The following ARFGAP1 variants were observed in gnomAD, a reference collection of about 807,000 sequenced individuals.
The protein encoded by ARFGAP1 is ARF GTPase activating protein 1, also known as ADP-ribosylation factor GTPase-activating protein 1.
In ARFGAP1, 26 loss-of-function variants were observed where a neutral mutation model predicts 54.0. That is an observed-to-expected ratio of 0.48 (90% CI 0.35 to 0.67). ARFGAP1 has a LOEUF of 0.67. Ranked by LOEUF, ARFGAP1 falls within the 30% of genes least tolerant of loss-of-function variation. ARFGAP1 has a pLI of 0.00. For synonymous variants in ARFGAP1, 248 were observed against 211.9 expected (o/e 1.17, Z -1.48); for missense variants, 525 against 535.8 (o/e 0.98, Z 0.20).
At chr20:63,282,602 G>A (rs768853676) in intron 8 of ARFGAP1, among the ~76,000 whole-genome samples, 2 of 152,206 alleles carry the variant, frequency 1.3e-5, no homozygotes, top group East Asian at 3.9e-4. Flanking sequence ...ATAGCACACC[G>A]AGCTGGCCTC....
At chr20:63,273,502 C>T (rs1568727300) in intron 1 of ARFGAP1, 1 of 152,216 alleles carries the variant, frequency 6.6e-6, no homozygotes, top group Admixed American at 6.5e-5. Context: ...TATATTTGTA[C>T]TTTTGAAGGT....
At chr20:63,278,292 C>A in intron 6 of ARFGAP1, 89 bp downstream of exon 6, 2 of 1,368,292 alleles carry the variant, frequency 1.5e-6, no homozygotes, top group South Asian at 1.2e-5. Context: ...TGGGGCCTCC[C>A]ATGTGCAGTG....
chr20:63,273,249 G>C (rs1052014484), intron 1 of ARFGAP1: 5 of 148,726 alleles, frequency 3.4e-5, no homozygotes, highest in African/African-American at 1.0e-4. Context: ...CGGGAGTCCA[G>C]AGGGTCCCTG....
intron 6 of ARFGAP1, 136 bp from the exon 7 acceptor site, chr20:63,278,763 A>G (rs923133513): frequency 4.8e-6 from 3 of 620,534 alleles, no homozygotes; most frequent in Middle Eastern, 2.8e-4. Flanking sequence ...CACAGGAGGC[A>G]GCGTGCATGT....
rs1298649350 is a variant in ARFGAP1 at position 63,288,687 on chromosome 20, A to G, written c.*814A>G. 4 of 363,788 alleles carry G rather than the reference A, an allele frequency of 1.1e-5. No homozygotes were observed. The highest frequency in any genetic ancestry group is 2.2e-5 in the Non-Finnish European group (4 of 182,014). 22.5% of individuals were successfully genotyped at this position (363,788 alleles called of 1,614,324 possible). A position where few individuals can be genotyped will look rare whatever the true frequency, so the allele number is the denominator to read the frequency against. On this transcript the variant is annotated 3_prime_UTR_variant, in exon 13 of 13. Coordinates refer to ENST00000370283, the MANE Select transcript of ARFGAP1 (RefSeq NM_018209.4). The stretch of plus-strand genomic sequence containing the variant: ...GAGGGGCCGGGTTCAGGAGCTGAGC[A>G]GGGGATGCCTGTGCGTGGTGCCTGG...
At chr20:63,279,444 G>C in intron 7 of ARFGAP1, 1 of 335,372 alleles carries the variant, frequency 3.0e-6, no homozygotes, top group South Asian at 2.3e-5. Context: ...GACTTCAGGT[G>C]ATCTGTCCGC....
chr20:63,279,252 C>G (rs1188794144), intron 7 of ARFGAP1: 1 of 567,348 alleles, frequency 1.8e-6, no homozygotes. Flanking sequence ...AGGCTGCAGA[C>G]TGGAGGGCAG....
chr20:63,282,010 C>T (rs767542881), intron 8 of ARFGAP1, among the ~76,000 whole-genome samples: 23 of 151,840 alleles, frequency 1.5e-4, no homozygotes, highest in Non-Finnish European at 2.9e-4. Flanking sequence ...CAGATGTCCC[C>T]GTGGTCACCC....
intron 9 of ARFGAP1, chr20:63,284,256 G>A: frequency 8.6e-7 from 1 of 1,159,000 alleles, no homozygotes; most frequent in Non-Finnish European, 1.1e-6. Flanking sequence ...TGAACGCAGT[G>A]CAAAGGGGAG....
chr20:63,286,349 T>G lies in ARFGAP1; in HGVS notation c.835-17T>G. 6.2e-7 allele frequency: 1 copy of G among 1,612,896 alleles called. No individual in the cohort carries two copies. The highest frequency in any genetic ancestry group is 1.1e-5 in the South Asian group (1 of 91,064). On this transcript the variant is annotated splice_polypyrimidine_tract_variant and intron_variant, in intron 11 of 12. Transcript: ENST00000370283. ...CGCGACAGGGCCTGCCTAACCTCTC[T>G]TCCCGTCTCCTTCCAGGTCCAGGGA...
chr20:63,285,437 G>A, intron 10 of ARFGAP1: 1 of 600,686 alleles, frequency 1.7e-6, no homozygotes, highest in Non-Finnish European at 2.9e-6. Context: ...GTGGCCGGCA[G>A]GGGCCACGTT....
intron 9 of ARFGAP1, chr20:63,283,862 C>A: frequency 6.2e-7 from 1 of 1,613,808 alleles, no homozygotes; most frequent in South Asian, 1.1e-5. Context: ...TTTGGGGTCA[C>A]AAGCAGCAGC....
At chr20:63,279,476 G>A (rs1248917925) in intron 7 of ARFGAP1, among the ~76,000 whole-genome samples, 1 of 152,166 alleles carries the variant, frequency 6.6e-6, no homozygotes, top group Admixed American at 6.5e-5. Context: ...AAAGTGCTGG[G>A]ATTACAGGAG....
At position 63,284,872 on chromosome 20, in the gene ARFGAP1, G is replaced by T; in HGVS notation, c.724G>T (p.Glu242Ter). ...GTGACTTCCCTTCCTACAGGCGTCC[G>T]AGCTGGGCCACAGCCTGAACGAGAA... is the stretch of plus-strand genomic sequence containing the variant. ...FGSQASQKASELGHSLNENVL... is the reference protein window; with the variant it reads ...FGSQASQKAS Residue 242 changes from glutamate to a stop codon, truncating the protein, a stop_gained, in exon 10 of 13, where the codon GAG becomes TAG. Coordinates refer to ENST00000370283, the MANE Select transcript of ARFGAP1 (RefSeq NM_018209.4). LOFTEE classifies it high-confidence loss of function. 2 of 1,612,766 alleles carry T rather than the reference G, an allele frequency of 1.2e-6. No individual in the cohort carries two copies.
At chr20:63,285,542 C>A in intron 10 of ARFGAP1, 112 bp from the exon 11 acceptor site, 1 of 1,127,756 alleles carries the variant, frequency 8.9e-7, no homozygotes, top group Non-Finnish European at 1.3e-6. Context: ...TGATGGGTAT[C>A]CACATGCCCC....
At position 63,276,316 on chromosome 20, in the gene ARFGAP1, C is replaced by T. The variant is rs1484028413; in HGVS notation, c.170+116C>T. 2.2e-6 allele frequency: 3 copies of T among 1,384,662 alleles called. No homozygotes were observed. Among genetic ancestry groups the T allele is most frequent in the Non-Finnish European group, 3.0e-6 (3 of 991,642 alleles). The allele number at this position is 1,384,662 out of a possible 1,614,324, so 85.8% of individuals were successfully genotyped here. A position where few individuals can be genotyped will look rare whatever the true frequency, so the allele number is the denominator to read the frequency against. ...TGGGGGCCACCTCCCATTGCATTGC[C>T]AGTGTCCACTCTAGTGACGCCATGG... On this transcript the variant is annotated intron_variant, in intron 3 of 12. Coordinates refer to ENST00000370283, the MANE Select transcript of ARFGAP1 (RefSeq NM_018209.4). This position sits in a 1 kb window ranked among gnomAD's most constrained non-coding sequence, Gnocchi z 5.2.
chr20:63,277,176 C>G, intron 4 of ARFGAP1, 29 bp from the exon 5 acceptor site: 1 of 1,599,004 alleles, frequency 6.3e-7, no homozygotes, highest in South Asian at 1.1e-5. Flanking sequence ...CGCCTTTATG[C>G]TCTCGAATGC....
rs1044392073 is a variant in ARFGAP1, at chr20:63,278,837, C to T, written c.531-62C>T. ...AGCCTTGCCTGTGTTCAGGGCCCCACGCCCTCGGGAGGAGCAGGGTTCATG... is the reference window on the plus strand; with the variant it reads ...AGCCTTGCCTGTGTTCAGGGCCCCATGCCCTCGGGAGGAGCAGGGTTCATG... On this transcript the variant is annotated intron_variant, in intron 6 of 12. Coordinates refer to ENST00000370283, the MANE Select transcript of ARFGAP1 (RefSeq NM_018209.4). The T allele has an allele frequency of 1.4e-5, 22 of 1,554,738 alleles. 1 individual carries two copies. In the African/African-American group the frequency reaches 1.6e-4, roughly 12 times the overall value.
chr20:63,287,329 CTG>C (rs1489585831), intron 12 of ARFGAP1, among the ~76,000 whole-genome samples: 12 of 152,246 alleles, frequency 7.9e-5, no homozygotes, highest in Admixed American at 7.8e-4. Flanking sequence ...TTCTGTAAAA[CTG>C]TCCTCCAGTT....
Sources: allele counts gnomAD v4.1 joint callset (sites outside exome capture counted in the v4.1 genomes callset), GRCh38; gene constraint gnomAD v4.1.1; non-coding constraint Gnocchi (gnomAD v3.1); transcripts MANE v1.5; gene names NCBI Gene and HGNC (gene_info 2026-07-23, HGNC 2026-07-21).